MYBPC1: variants seen among roughly 807,000 people sequenced by gnomAD.
MYBPC1 encodes myosin-binding protein C, slow-type.
Under a neutral mutation model 147.1 loss-of-function variants are expected in MYBPC1, and 52 were observed. The ratio of observed to expected loss-of-function variants is 0.35; its 90% CI spans 0.28 to 0.45. The LOEUF is 0.45. MYBPC1 is among the 20% of genes least tolerant of loss of function. The pLI is 1.00. For synonymous variants in MYBPC1, 477 were observed against 475.9 expected (o/e 1.00, Z -0.03); for missense variants, 1,228 against 1,440.3 (o/e 0.85, Z 2.39).
At chr12:101,652,975 G>T in intron 17 of MYBPC1, 140 bp from the exon 18 acceptor site, 3 of 1,249,422 alleles carry the variant, frequency 2.4e-6, no homozygotes, top group South Asian at 2.6e-5. Flanking sequence ...AAGGTGCCAG[G>T]CACCAACTAT....
chr12:101,667,791 G>C lies in MYBPC1; in HGVS notation c.2416G>C (p.Gly806Arg). ...TGACAAGACGAAGTTCACCATCACAGGTCTGCCAACAGATGCAAAGATCTT... is the reference window on the plus strand; with the variant it reads ...TGACAAGACGAAGTTCACCATCACACGTCTGCCAACAGATGCAAAGATCTT... ...LIDKTKFTIT[G>R]LPTDAKIFVR... The change falls in exon 23 of 32, where the codon GGT becomes CGT. Residue 806 changes from glycine to arginine, a missense_variant. Gly to Arg is a moderately radical substitution (Grantham distance 125). Coordinates refer to ENST00000361466, the MANE Select transcript of MYBPC1 (RefSeq NM_002465.4). 5 of 1,614,172 alleles carry C rather than the reference G, an allele frequency of 3.1e-6. No homozygotes were observed. The highest frequency in any genetic ancestry group is 4.2e-6 in the Non-Finnish European group (5 of 1,180,024).
At chr12:101,613,257 A>G (rs1487160528) in intron 1 of MYBPC1, among the ~76,000 whole-genome samples, 1 of 152,084 alleles carries the variant, frequency 6.6e-6, no homozygotes, top group Non-Finnish European at 1.5e-5. Context: ...CAGCCTTCCT[A>G]GACTAGAACG....
At chr12:101,620,526 G>C (rs1479050550) in intron 3 of MYBPC1, among the ~76,000 whole-genome samples, 1 of 152,176 alleles carries the variant, frequency 6.6e-6, no homozygotes, top group Non-Finnish European at 1.5e-5. Context: ...TTTGAAAGCA[G>C]ACAAGAGTCA....
chr12:101,601,971 T>G (rs78036504), intron 1 of MYBPC1, among the ~76,000 whole-genome samples: 19,344 of 152,214 alleles, frequency 0.13, 1,395 homozygotes, highest in African/African-American at 0.15. Flanking sequence ...ATGCACACAG[T>G]ATGTGTCTTG....
chr12:101,678,439 T>C (rs1900555516), intron 28 of MYBPC1, among the ~76,000 whole-genome samples: 2 of 152,228 alleles, frequency 1.3e-5, no homozygotes, highest in African/African-American at 4.8e-5. Context: ...TGCTAAGGGA[T>C]TCCTTCTAAA....
chr12:101,677,931 T>C (rs894191527), intron 27 of MYBPC1, among the ~76,000 whole-genome samples, 171 bp from the exon 28 acceptor site: 1 of 152,264 alleles, frequency 6.6e-6, no homozygotes, highest in African/African-American at 2.4e-5. Context: ...CCACGTGTGA[T>C]TGGCTATACG....
rs1216750133 is a variant in MYBPC1 at position 101,662,445 on chromosome 12, A to G, written c.2120A>G (p.Lys707Arg). Residue 707 changes from lysine (K) to arginine (R), a missense_variant, in exon 21 of 32, where the codon AAG (lysine) becomes AGG (arginine). By Grantham distance (26) the Lys-to-Arg change is conservative (BLOSUM62 2). Coordinates refer to ENST00000361466, the MANE Select transcript of MYBPC1 (RefSeq NM_002465.4). Reference sequence around the variant, plus strand: ...TGCAAAGAAACAACTTTTGAGCCCAAGAAGATGATTGAAGGTGTGGCCTAT... The same window carrying G: ...TGCAAAGAAACAACTTTTGAGCCCAGGAAGATGATTGAAGGTGTGGCCTAT... ...DLCKETTFEP[K>R]KMIEGVAYEV... is the part of the protein sequence containing the mutation. 2 of 1,614,252 alleles carry G rather than the reference A, an allele frequency of 1.2e-6. No individual in the cohort carries two copies. The highest frequency in any genetic ancestry group is 4.5e-5 in the East Asian group (2 of 44,886).
chr12:101,613,327 G>A (rs772425290), intron 1 of MYBPC1, among the ~76,000 whole-genome samples: 2 of 152,140 alleles, frequency 1.3e-5, no homozygotes, highest in Non-Finnish European at 2.9e-5. Context: ...ATGGGGCATC[G>A]TCCGCCCTGC....
chr12:101,630,295 G>A (rs932232721), intron 6 of MYBPC1, among the ~76,000 whole-genome samples: 1 of 152,164 alleles, frequency 6.6e-6, no homozygotes, highest in Non-Finnish European at 1.5e-5. Context: ...AACCTGAAAA[G>A]ATGAGTGACA....
At chr12:101,620,690 A>G (rs1017196509) in intron 3 of MYBPC1, among the ~76,000 whole-genome samples, 1 of 152,176 alleles carries the variant, frequency 6.6e-6, no homozygotes, top group African/African-American at 2.4e-5. Flanking sequence ...AGTTCCGAAA[A>G]TGGTTCTGTG....
Position 101,649,292 on chromosome 12 carries a change from C to A in MYBPC1, c.1229C>A (p.Pro410Gln). 6.2e-7 allele frequency: 1 copy of A among 1,613,610 alleles called. No individual in the cohort carries two copies. The highest frequency in any genetic ancestry group is 1.1e-5 in the South Asian group (1 of 91,054). ...FKNGEEIIPG[P>Q]KSRYRIRVEG... ...AATGGTGAAGAGATTATCCCTGGTC[C>A]AAAATCAAGATACCGAATTAGAGTT... is the stretch of plus-strand genomic sequence containing the variant. Residue 410 changes from proline (P) to glutamine (Q), a missense_variant, in exon 15 of 32, where the codon CCA (proline) becomes CAA (glutamine). By Grantham distance (76) the Pro-to-Gln change is moderately conservative. Transcript: ENST00000361466.
At chr12:101,623,477 T>C (rs946627391) in intron 3 of MYBPC1, among the ~76,000 whole-genome samples, 2 of 152,262 alleles carry the variant, frequency 1.3e-5, no homozygotes, top group African/African-American at 2.4e-5. Context: ...TTTTTCTTCA[T>C]TTTAGTTTCA....
chr12:101,612,067 C>T (rs558239095), intron 1 of MYBPC1, among the ~76,000 whole-genome samples: 1 of 139,002 alleles, frequency 7.2e-6, no homozygotes, highest in African/African-American at 2.9e-5. Context: ...CAGAGCGAGA[C>T]TCCATCTCAA....
At chr12:101,598,033 T>C (rs1878127048) in intron 1 of MYBPC1, among the ~76,000 whole-genome samples, 1 of 150,950 alleles carries the variant, frequency 6.6e-6, no homozygotes, top group Non-Finnish European at 1.5e-5. Flanking sequence ...TTTTTTTTTT[T>C]TTTTAAGACA....
chr12:101,661,746 G>A (rs553756664), intron 20 of MYBPC1, among the ~76,000 whole-genome samples: 5 of 151,592 alleles, frequency 3.3e-5, no homozygotes, highest in East Asian at 1.9e-4. Flanking sequence ...AAAATTAGCC[G>A]GGCATGGTGG....
At chr12:101,676,733 A>C (rs1900076325) in intron 26 of MYBPC1, among the ~76,000 whole-genome samples, 1 of 151,376 alleles carries the variant, frequency 6.6e-6, no homozygotes. Context: ...CCTGGGTGAC[A>C]GAGTGAGATC....
intron 5 of MYBPC1, among the ~76,000 whole-genome samples, chr12:101,628,613 G>A (rs1217856612): frequency 2.0e-5 from 3 of 152,154 alleles, no homozygotes; most frequent in African/African-American, 7.2e-5. Context: ...CTAAATGGCT[G>A]AACCTGAACT....
At chr12:101,661,326 G>A (rs968210351) in intron 20 of MYBPC1, 64 bp downstream of exon 20, 2 of 1,018,462 alleles carry the variant, frequency 2.0e-6, no homozygotes, top group African/African-American at 1.6e-5. Flanking sequence ...ACGCATCTTA[G>A]TACAGAGCAC....
chr12:101,666,669 G>C (rs1422569276), intron 22 of MYBPC1: 1 of 1,328,480 alleles, frequency 7.5e-7, no homozygotes, highest in African/African-American at 1.5e-5. Flanking sequence ...AACAGAGAAT[G>C]CTGACTGCTG....
Sources: gnomAD v4.1 joint callset for allele counts (sites outside exome capture counted in the v4.1 genomes callset) on GRCh38, gnomAD v4.1.1 for gene constraint, MANE v1.5 for transcripts, NCBI Gene and HGNC (gene_info 2026-07-23, HGNC 2026-07-21) for gene names.